ZNF469: variants seen among roughly 807,000 people sequenced by gnomAD.
ZNF469 encodes the protein zinc finger protein 469.
ZNF469 carries 1 observed loss-of-function variant against 1.0 expected under a neutral mutation model. That is an observed-to-expected ratio of 1.00 (90% confidence interval 0.35 to 4.73). ZNF469 has a LOEUF of 4.73. Among genes scored for constraint, ZNF469 ranks in the 30% most tolerant of loss-of-function variants. The pLI, the probability that ZNF469 is intolerant of heterozygous loss-of-function variation, is 0.16. For synonymous variants in ZNF469, 2,703 were observed against 2,363.4 expected (o/e 1.14, Z -4.17); for missense variants, 6,100 against 5,356.3 (o/e 1.14, Z -4.33).
rs765084818 is a variant in ZNF469 at position 88,435,455 on chromosome 16, C to G, written c.7985C>G (p.Ser2662Cys). ...SADVISDGRG[S>C]RPSPAMASYA... ...GATGTGATTTCAGATGGGCGCGGCTCCAGACCATCCCCTGCAATGGCCAGT... is the reference window on the plus strand; with the variant it reads ...GATGTGATTTCAGATGGGCGCGGCTGCAGACCATCCCCTGCAATGGCCAGT... The change falls in exon 3 of 3, where the codon TCC (serine) becomes TGC (cysteine). Residue 2662 changes from serine (S) to cysteine (C), a missense_variant. Transcript: ENST00000565624. 16 of 1,549,792 alleles carry G rather than the reference C, an allele frequency of 1.0e-5. 1 individual carries two copies. The South Asian group carries it at 1.8e-4, about 17-fold the overall frequency.
chr16:88,307,086 A>C, the ZNF469 span, among the ~76,000 whole-genome samples: 1 of 152,178 alleles, frequency 6.6e-6, no homozygotes, highest in African/African-American at 2.4e-5. Flanking sequence ...ATTTCATAGA[A>C]ATGGGATCAT....
the ZNF469 span, among the ~76,000 whole-genome samples, chr16:88,158,455 C>G: frequency 6.6e-6 from 1 of 152,130 alleles, no homozygotes; most frequent in African/African-American, 2.4e-5. Context: ...GGTGGGAGAG[C>G]TCAGGCTGGG....
chr16:88,160,222 A>AATCT, the ZNF469 span, among the ~76,000 whole-genome samples: 1 of 152,208 alleles, frequency 6.6e-6, no homozygotes, highest in Non-Finnish European at 1.5e-5. Context: ...GTCGCTTGCC[A>AATCT]ATCTCCCTTT....
the ZNF469 span, among the ~76,000 whole-genome samples, chr16:88,347,930 C>T: frequency 1.3e-5 from 2 of 152,228 alleles, no homozygotes; most frequent in African/African-American, 4.8e-5. Flanking sequence ...GATCTCAGAC[C>T]AGGCAGGGCA....
the ZNF469 span, among the ~76,000 whole-genome samples, chr16:88,260,465 G>C: frequency 6.6e-6 from 1 of 152,224 alleles, no homozygotes; most frequent in Non-Finnish European, 1.5e-5. This position sits in a 1 kb window ranked among gnomAD's most constrained non-coding sequence, Gnocchi z 4.1. Flanking sequence ...GGACTGTCTA[G>C]AGTGGTAGGT....
the ZNF469 span, among the ~76,000 whole-genome samples, chr16:88,360,769 C>G: frequency 0.18 from 26,890 of 145,638 alleles, 2,751 homozygotes; most frequent in East Asian, 0.42. Context: ...AGACAGCATG[C>G]TCCCTCAAAG....
the ZNF469 span, among the ~76,000 whole-genome samples, chr16:88,161,714 G>GA: frequency 4.0e-5 from 6 of 151,028 alleles, no homozygotes; most frequent in African/African-American, 1.5e-4. Context: ...TTTGTAAGGG[G>GA]AAAAAAAAAG....
At chr16:88,400,892 AG>A (rs954737565) in intron 1 of ZNF469, among the ~76,000 whole-genome samples, 2 of 151,384 alleles carry the variant, frequency 1.3e-5, no homozygotes, top group Admixed American at 1.3e-4. Flanking sequence ...GCAGAGGGCC[AG>A]GGGGTGGCGG....
chr16:88,164,008 G>T, the ZNF469 span, among the ~76,000 whole-genome samples: 1 of 151,212 alleles, frequency 6.6e-6, no homozygotes, highest in African/African-American at 2.4e-5. Flanking sequence ...TAGATATATG[G>T]ATGGGTAGAT....
chr16:88,270,294 G>A, the ZNF469 span, among the ~76,000 whole-genome samples: 50 of 152,306 alleles, frequency 3.3e-4, no homozygotes, highest in African/African-American at 1.2e-3. Flanking sequence ...TCCCAAGGAC[G>A]TTGAGGGTGA....
At chr16:88,373,438 G>A in the ZNF469 span, among the ~76,000 whole-genome samples, 1 of 152,210 alleles carries the variant, frequency 6.6e-6, no homozygotes, top group Non-Finnish European at 1.5e-5. Context: ...CTGTCCCTGT[G>A]TGGAGGCGGA....
At chr16:88,235,402 C>T in the ZNF469 span, among the ~76,000 whole-genome samples, 5 of 152,202 alleles carry the variant, frequency 3.3e-5, no homozygotes, top group Admixed American at 6.5e-5. Context: ...ACCTGGAGCG[C>T]GGAACTGGGA....
chr16:88,155,515 C>T, the ZNF469 span, among the ~76,000 whole-genome samples: 2 of 152,226 alleles, frequency 1.3e-5, no homozygotes, highest in African/African-American at 4.8e-5. Context: ...GCTTCTGCTT[C>T]TGTGGATTTG....
the ZNF469 span, among the ~76,000 whole-genome samples, chr16:88,351,784 G>A: frequency 1.3e-5 from 2 of 152,186 alleles, no homozygotes; most frequent in African/African-American, 4.8e-5. Flanking sequence ...TTGAGGCCGG[G>A]CCACGCTTTG....
At chr16:88,352,353 T>C in the ZNF469 span, among the ~76,000 whole-genome samples, 43,808 of 152,142 alleles carry the variant, frequency 0.29, 7,168 homozygotes, top group African/African-American at 0.45. Flanking sequence ...ATTTGCCTGG[T>C]GTCCTCGTGA....
the ZNF469 span, among the ~76,000 whole-genome samples, chr16:88,357,549 C>G: frequency 6.6e-6 from 1 of 152,196 alleles, no homozygotes; most frequent in Non-Finnish European, 1.5e-5. Context: ...CTTTCCGAGC[C>G]AGCATCTCAG....
the ZNF469 span, among the ~76,000 whole-genome samples, chr16:88,270,687 G>A: frequency 6.6e-6 from 1 of 152,212 alleles, no homozygotes; most frequent in African/African-American, 2.4e-5. Context: ...AAATTCTCCA[G>A]GCTGCTTTCC....
In ZNF469 at chr16:88,435,197, C is replaced by T. The variant is rs760483469; in HGVS notation, c.7727C>T (p.Pro2576Leu). The change falls in exon 3 of 3, where the codon CCA (proline) becomes CTA (leucine). Residue 2576 changes from proline (P) to leucine (L), a missense_variant. Transcript: ENST00000565624. ...GSPHSQQLHPPSPTEHEVDVK... is the reference protein window; with the variant it reads ...GSPHSQQLHPLSPTEHEVDVK... ...CCACACAGCCAGCAGCTGCACCCTC[C>T]AAGCCCTACTGAGCATGAGGTAGAT... The T allele has an allele frequency of 4.5e-6, 7 of 1,550,262 alleles. No individual in the cohort carries two copies. The Admixed American group carries it at 5.9e-5, about 13-fold the overall frequency.
chr16:88,367,508 T>C, the ZNF469 span, among the ~76,000 whole-genome samples: 1 of 152,238 alleles, frequency 6.6e-6, no homozygotes, highest in Non-Finnish European at 1.5e-5. Context: ...ACATTTGCCA[T>C]GATAGCAGAC....
Sources: allele counts gnomAD v4.1 joint callset (sites outside exome capture counted in the v4.1 genomes callset), GRCh38; gene constraint gnomAD v4.1.1; non-coding constraint Gnocchi (gnomAD v3.1); transcripts MANE v1.5; gene names NCBI Gene and HGNC (gene_info 2026-07-23, HGNC 2026-07-21).